The following RBFOX1 variants were observed in gnomAD, a reference collection of about 807,000 sequenced individuals.
RBFOX1 encodes the protein RNA binding protein fox-1 homolog 1.
RBFOX1 carries 8 observed loss-of-function variants against 57.7 expected under a neutral mutation model. The ratio of observed to expected loss-of-function variants is 0.14; its 90% CI spans 0.08 to 0.25. RBFOX1 has a LOEUF of 0.25. Ranked by LOEUF, RBFOX1 falls within the 10% of genes least tolerant of loss-of-function variation. RBFOX1 has a pLI of 1.00. For missense variants in RBFOX1, 611 were observed against 548.5 expected (o/e 1.11, Z -1.14); for synonymous variants, 326 against 222.4 (o/e 1.47, Z -4.15).
chr16:6,316,198 C>A (rs1385819699), intron 1 of RBFOX1, among the ~76,000 whole-genome samples: 2 of 130,538 alleles, frequency 1.5e-5, no homozygotes, highest in Admixed American at 1.5e-4. Context: ...GTATAGGATG[C>A]CGTAAACATC....
At chr16:6,956,184 G>C (rs1420479582) in intron 3 of RBFOX1, among the ~76,000 whole-genome samples, 3 of 152,180 alleles carry the variant, frequency 2.0e-5, no homozygotes, top group African/African-American at 4.8e-5. Context: ...GGAAGGATGA[G>C]AATGGAGATG....
At chr16:7,228,552 C>T (rs2093294931) in intron 4 of RBFOX1, among the ~76,000 whole-genome samples, 2 of 152,084 alleles carry the variant, frequency 1.3e-5, no homozygotes, top group South Asian at 4.1e-4. Flanking sequence ...AAACTGAAAA[C>T]CAGAGAAGTG....
intron 2 of RBFOX1, among the ~76,000 whole-genome samples, chr16:6,606,309 G>T (rs1038273511): frequency 6.6e-6 from 1 of 152,030 alleles, no homozygotes; most frequent in African/African-American, 2.4e-5. Flanking sequence ...CATGTATCCA[G>T]ACACATTTTT....
At chr16:7,443,513 C>T (rs1384402880) in intron 4 of RBFOX1, among the ~76,000 whole-genome samples, 2 of 151,908 alleles carry the variant, frequency 1.3e-5, no homozygotes, top group Non-Finnish European at 2.9e-5. Flanking sequence ...TGAATCCTGC[C>T]AGATATGAAC....
At position 5,907,532 on chromosome 16, in the gene RBFOX1, T is replaced by G. The variant is rs113957286; in HGVS notation, c.351+40197T>G. Among the ~76,000 whole-genome samples the G allele has an allele frequency of 1.6e-4, 25 of 152,300 alleles. 1 individual carries two copies. The highest frequency in any genetic ancestry group is 4.3e-4 in the African/African-American group (18 of 41,552). On this transcript the variant is annotated intron_variant, in intron 4 of 19. Transcript: ENST00000641259. ...ATGGAGAACAGGGGCTTGTCTTGCT[T>G]ATGCTGTGTGATTTTACGTGCTTAT...
chr16:5,750,740 C>A (rs1345452774), intron 3 of RBFOX1, among the ~76,000 whole-genome samples: 1 of 152,124 alleles, frequency 6.6e-6, no homozygotes, highest in Admixed American at 6.5e-5. Context: ...TGGGAGTGAC[C>A]CAATTTTCCA....
intron 3 of RBFOX1, among the ~76,000 whole-genome samples, chr16:5,703,593 T>A (rs542984741): frequency 1.6e-4 from 24 of 152,320 alleles, no homozygotes; most frequent in African/African-American, 5.5e-4. Context: ...GTGCAGAGGT[T>A]AATGCAGAGA....
rs1382071026 is a variant in RBFOX1, at chr16:7,368,669, A to G, written c.28-149478A>G. ...GTGGCGGGCACCTGTAGTCCCAGCT[A>G]CTCAGGAGGCTGAGGCAGGAGCATG... On this transcript the variant is annotated intron_variant, in intron 4 of 15. Coordinates refer to ENST00000550418, the MANE Select transcript of RBFOX1 (RefSeq NM_018723.4). Among the ~76,000 whole-genome samples, 73 of 151,762 alleles carry G rather than the reference A, an allele frequency of 4.8e-4. 1 individual carries two copies. The highest frequency in any genetic ancestry group is 8.8e-5 in the Non-Finnish European group (6 of 67,962).
chr16:6,302,859 A>C (rs928645261), intron 1 of RBFOX1, among the ~76,000 whole-genome samples: 1 of 152,202 alleles, frequency 6.6e-6, no homozygotes, highest in East Asian at 1.9e-4. Flanking sequence ...GACATTTTTC[A>C]GAATACTAAG....
intron 1 of RBFOX1, among the ~76,000 whole-genome samples, chr16:5,329,381 G>C (rs1035074234): frequency 6.6e-6 from 1 of 151,942 alleles, no homozygotes. Flanking sequence ...AAAGGGGAAG[G>C]GACTACCCAC....
intron 4 of RBFOX1, among the ~76,000 whole-genome samples, chr16:7,253,365 C>A (rs2094560310): frequency 6.6e-6 from 1 of 152,038 alleles, no homozygotes; most frequent in African/African-American, 2.4e-5. Flanking sequence ...GTTTCTGGTT[C>A]ATTTTCACTC....
chr16:7,045,524 T>C (rs975124318), intron 3 of RBFOX1, among the ~76,000 whole-genome samples: 1 of 152,228 alleles, frequency 6.6e-6, no homozygotes, highest in Non-Finnish European at 1.5e-5. Flanking sequence ...TGGTGCCACT[T>C]CACATGGCAC....
At chr16:6,356,708 G>C (rs1014861462) in intron 2 of RBFOX1, among the ~76,000 whole-genome samples, 4 of 152,134 alleles carry the variant, frequency 2.6e-5, no homozygotes, top group African/African-American at 9.7e-5. Flanking sequence ...TGGAATCCTG[G>C]AACAGGAAAA....
intron 4 of RBFOX1, among the ~76,000 whole-genome samples, chr16:7,413,292 C>T (rs964344208): frequency 6.6e-6 from 1 of 152,038 alleles, no homozygotes; most frequent in Non-Finnish European, 1.5e-5. Flanking sequence ...CATTCCTCTC[C>T]CCTGGCCACC....
intron 3 of RBFOX1, among the ~76,000 whole-genome samples, chr16:6,962,113 C>T (rs975279548): frequency 3.9e-5 from 6 of 152,142 alleles, no homozygotes; most frequent in African/African-American, 1.4e-4. Flanking sequence ...AGGCTGTATC[C>T]AGGACCATAT....
intron 3 of RBFOX1, among the ~76,000 whole-genome samples, chr16:6,999,571 C>T (rs958277599): frequency 6.6e-6 from 1 of 151,844 alleles, no homozygotes; most frequent in Non-Finnish European, 1.5e-5. Flanking sequence ...GTATACTGAT[C>T]CCTCATATGC....
chr16:5,594,626 G>A (rs879417572), intron 2 of RBFOX1, among the ~76,000 whole-genome samples: 7 of 152,082 alleles, frequency 4.6e-5, no homozygotes, highest in Non-Finnish European at 1.0e-4. Context: ...GAGACAAATG[G>A]TTTCATTCTT....
chr16:6,755,819 T>C (rs1055127245), intron 3 of RBFOX1, among the ~76,000 whole-genome samples: 1 of 152,216 alleles, frequency 6.6e-6, no homozygotes, highest in Non-Finnish European at 1.5e-5. Context: ...GGAGCGATTA[T>C]ACTTAAAGTA....
At chr16:7,237,464 C>A (rs771029360) in intron 4 of RBFOX1, among the ~76,000 whole-genome samples, 1 of 152,194 alleles carries the variant, frequency 6.6e-6, no homozygotes, top group African/African-American at 2.4e-5. Flanking sequence ...CAGATTGTAA[C>A]TCATTTACAT....
Sources: gnomAD v4.1 joint callset for allele counts (sites outside exome capture counted in the v4.1 genomes callset) on GRCh38, gnomAD v4.1.1 for gene constraint, MANE v1.5 for transcripts, NCBI Gene and HGNC (gene_info 2026-07-23, HGNC 2026-07-21) for gene names.